DNAJC10: variants seen among roughly 807,000 people sequenced by gnomAD.
The protein encoded by DNAJC10 is endoplasmic reticulum disulfide reductase DNAJC10.
In DNAJC10, 101 loss-of-function variants were observed where a neutral mutation model predicts 115.0. The ratio of observed to expected loss-of-function variants is 0.88; its 90% confidence interval spans 0.75 to 1.04. DNAJC10 has a LOEUF of 1.04. Ranked by LOEUF, DNAJC10 falls within the 50% of genes least tolerant of loss-of-function variation. The pLI is 0.00. For synonymous variants in DNAJC10, 307 were observed against 301.5 expected (o/e 1.02, Z -0.19); for missense variants, 981 against 928.8 (o/e 1.06, Z -0.73).
intron 9 of DNAJC10, among the ~76,000 whole-genome samples, chr2:182,732,278 G>A (rs991807591): frequency 2.0e-5 from 3 of 151,748 alleles, no homozygotes; most frequent in African/African-American, 7.3e-5. Flanking sequence ...AGAAATTAAA[G>A]GGAGAGAATG....
chr2:182,753,264 G>T (rs2105671266), intron 16 of DNAJC10, among the ~76,000 whole-genome samples: 1 of 152,082 alleles, frequency 6.6e-6, no homozygotes, highest in East Asian at 1.9e-4. Context: ...CTACTTTTGT[G>T]AATGTTCTAA....
intron 14 of DNAJC10, 114 bp downstream of exon 14, chr2:182,743,826 T>C (rs537700276): frequency 5.2e-4 from 363 of 693,262 alleles, no homozygotes; most frequent in Non-Finnish European, 7.6e-4. Context: ...AAATAACTTT[T>C]CTCAGTAAAT....
Position 182,764,025 on chromosome 2 carries a change from A to G in DNAJC10, c.2265+1224A>G, listed in dbSNP as rs149699545. Among the ~76,000 whole-genome samples, 229 of 152,242 alleles carry G rather than the reference A, an allele frequency of 1.5e-3. 1 individual carries two copies. The highest frequency in any genetic ancestry group is 4.2e-3 in the African/African-American group (176 of 41,534). ...CTGTGACTATTCTTCAAGTTGTTCA[A>G]TTTACACTCAAGAGTGGAAATTTGA... On this transcript the variant is annotated intron_variant, in intron 22 of 23. Coordinates refer to ENST00000264065, the MANE Select transcript of DNAJC10 (RefSeq NM_018981.4).
intron 11 of DNAJC10, among the ~76,000 whole-genome samples, chr2:182,737,858 C>A (rs1413176166): frequency 6.6e-6 from 1 of 152,106 alleles, no homozygotes; most frequent in Non-Finnish European, 1.5e-5. Context: ...TACCTTATAA[C>A]CAATTCATCA....
chr2:182,780,217 C>G lies in DNAJC10; in HGVS notation c.*3085C>G, dbSNP rs1254561627. The G allele has an allele frequency of 1.3e-5, 2 of 151,890 alleles. No individual in the cohort carries two copies. The highest frequency in any genetic ancestry group is 2.9e-5 in the Non-Finnish European group (2 of 67,984). 9.4% of individuals were successfully genotyped at this position (151,890 alleles called of 1,614,324 possible). A position where few individuals can be genotyped will look rare whatever the true frequency, so the allele number is the denominator to read the frequency against. On this transcript the variant is annotated 3_prime_UTR_variant, in exon 24 of 24. Coordinates refer to ENST00000264065, the MANE Select transcript of DNAJC10 (RefSeq NM_018981.4). ...CCAAATCTCATGTTGAAATATGATC[C>G]CCAGTGTTGGATATGGGGCCTGGTG... is the stretch of plus-strand genomic sequence containing the variant.
chr2:182,732,404 G>T, intron 9 of DNAJC10, 95 bp from the exon 10 acceptor site: 5 of 1,184,308 alleles, frequency 4.2e-6, no homozygotes, highest in Non-Finnish European at 6.3e-6. Flanking sequence ...AATTGCCTTC[G>T]AATGAACATG....
Position 182,757,741 on chromosome 2 carries a change from A to T in DNAJC10, c.1859A>T (p.His620Leu). 1 of 1,605,558 alleles carries T rather than the reference A, an allele frequency of 6.2e-7. No homozygotes were observed. The highest frequency in any genetic ancestry group is 2.2e-5 in the East Asian group (1 of 44,522). Residue 620 changes from histidine (H) to leucine (L), a missense_variant, in exon 19 of 24, where the codon CAT becomes CTT. His to Leu is a moderately conservative substitution (Grantham distance 99). Coordinates refer to ENST00000264065, the MANE Select transcript of DNAJC10 (RefSeq NM_018981.4). Reference sequence around the variant, plus strand: ...GGCAGTATAGATTGCCAACAGTATCATTCTTTTTGTGCCCAGGAAAACGTT... The same window carrying T: ...GGCAGTATAGATTGCCAACAGTATCTTTCTTTTTGTGCCCAGGAAAACGTT... ...NVGSIDCQQYHSFCAQENVQR... is the reference protein window; with the variant it reads ...NVGSIDCQQYLSFCAQENVQR...
At chr2:182,742,507 C>G (rs1693760857) in intron 13 of DNAJC10, among the ~76,000 whole-genome samples, 1 of 152,088 alleles carries the variant, frequency 6.6e-6, no homozygotes, top group Non-Finnish European at 1.5e-5. Flanking sequence ...AAATTTTCAA[C>G]TCAAGGTTAT....
At chr2:182,742,696 C>CT (rs1693766581) in intron 13 of DNAJC10, among the ~76,000 whole-genome samples, 1 of 152,120 alleles carries the variant, frequency 6.6e-6, no homozygotes, top group African/African-American at 2.4e-5. Flanking sequence ...ACAATATTCA[C>CT]TTTCATTTAA....
chr2:182,758,699 A>G (rs1429126960), intron 19 of DNAJC10, 138 bp from the exon 20 acceptor site: 1 of 640,386 alleles, frequency 1.6e-6, no homozygotes, highest in African/African-American at 1.8e-5. Context: ...ATTTGTAGCT[A>G]GGTATATTTG....
rs563450288 is a variant in DNAJC10 at position 182,787,468 on chromosome 2, G to A, written c.*10336G>A. On this transcript the variant is annotated 3_prime_UTR_variant, in exon 24 of 24. Coordinates refer to ENST00000264065, the MANE Select transcript of DNAJC10 (RefSeq NM_018981.4). Reference sequence around the variant, plus strand: ...TACTACCAAACCGTTCATTCATTATGACAAAACTGCCTACCAAAGCCACAG... The same window carrying A: ...TACTACCAAACCGTTCATTCATTATAACAAAACTGCCTACCAAAGCCACAG... The A allele has an allele frequency of 3.9e-5, 6 of 152,302 alleles. No individual in the cohort carries two copies. Among genetic ancestry groups the A allele is most frequent in the African/African-American group, 1.4e-4 (6 of 41,558 alleles). 9.4% of individuals were successfully genotyped at this position (152,302 alleles called of 1,614,324 possible).
Position 182,789,075 on chromosome 2 carries a change from T to G in DNAJC10, c.*11943T>G, listed in dbSNP as rs1695002882. On this transcript the variant is annotated 3_prime_UTR_variant, in exon 24 of 24. Coordinates refer to ENST00000264065, the MANE Select transcript of DNAJC10 (RefSeq NM_018981.4). ...AAACCTTTTTATTTACCAATGCTGC[T>G]AGACCCTGACAACCACCACCCTACT... is the stretch of plus-strand genomic sequence containing the variant. 1 of 241,234 alleles carries G rather than the reference T, an allele frequency of 4.1e-6. No homozygotes were observed. Among genetic ancestry groups the G allele is most frequent in the African/African-American group, 2.3e-5 (1 of 43,078 alleles). 14.9% of individuals were successfully genotyped at this position (241,234 alleles called of 1,614,324 possible). A position where few individuals can be genotyped will look rare whatever the true frequency, so the allele number is the denominator to read the frequency against.
chr2:182,773,612 G>A (rs762142640), intron 22 of DNAJC10, among the ~76,000 whole-genome samples: 2 of 151,956 alleles, frequency 1.3e-5, no homozygotes, highest in Non-Finnish European at 1.5e-5. Context: ...TCTTCCACTT[G>A]ATCAAATTGG....
In DNAJC10 at chr2:182,752,009, A is replaced by G. The variant is rs142069563; in HGVS notation, c.1435-63A>G. ...TTACTTAGCATATTACTTGTTGCAG[A>G]AATGATGGGGGGGTTTTTTGTGTCA... On this transcript the variant is annotated intron_variant, in intron 15 of 23. Transcript: ENST00000264065. The G allele has an allele frequency of 1.6e-3, 2,169 of 1,366,602 alleles. 23 individuals carry two copies. The African/African-American group carries it at 0.028, about 17-fold the overall frequency. The allele number at this position is 1,366,602 out of a possible 1,614,324, so 84.7% of individuals were successfully genotyped here.
At chr2:182,723,060 G>A (rs1208890693) in intron 5 of DNAJC10, among the ~76,000 whole-genome samples, 4 of 71,822 alleles carry the variant, frequency 5.6e-5, no homozygotes, top group Admixed American at 1.8e-4. Flanking sequence ...TTTTTTTTGA[G>A]ACGGAGTCTT....
Position 182,762,630 on chromosome 2 carries a change from C to A in DNAJC10, c.2146-52C>A, listed in dbSNP as rs1254564741. On this transcript the variant is annotated intron_variant, in intron 21 of 23. Coordinates refer to ENST00000264065, the MANE Select transcript of DNAJC10 (RefSeq NM_018981.4). ...TTATATCCTATTGCTTTGTTGTTGC[C>A]AAAATAGTTTATGCCAAACAGAAAA... The A allele has an allele frequency of 8.1e-6, 13 of 1,595,110 alleles. No homozygotes were observed. In the East Asian group the frequency reaches 1.8e-4, roughly 22 times the overall value.
intron 22 of DNAJC10, among the ~76,000 whole-genome samples, chr2:182,767,662 G>C (rs181194349): frequency 6.6e-6 from 1 of 152,206 alleles, no homozygotes; most frequent in Admixed American, 6.5e-5. Flanking sequence ...AGCTGAGCAG[G>C]GCCGGTGAGG....
chr2:182,723,131 CT>C (rs1398722178), intron 5 of DNAJC10, among the ~76,000 whole-genome samples: 1 of 151,474 alleles, frequency 6.6e-6, no homozygotes, highest in African/African-American at 2.4e-5. Context: ...CCTCTGCCCC[CT>C]GGGTTCAAGC....
chr2:182,767,638 T>C (rs1444381432), intron 22 of DNAJC10, among the ~76,000 whole-genome samples: 1 of 151,954 alleles, frequency 6.6e-6, no homozygotes, highest in Non-Finnish European at 1.5e-5. Context: ...AAGAATGAGT[T>C]CTCAGACAAT....
Sources: gnomAD v4.1 joint callset for allele counts (sites outside exome capture counted in the v4.1 genomes callset) on GRCh38, gnomAD v4.1.1 for gene constraint, MANE v1.5 for transcripts, NCBI Gene and HGNC (gene_info 2026-07-23, HGNC 2026-07-21) for gene names.